PTPRD: variants seen among roughly 807,000 people sequenced by gnomAD.
PTPRD encodes receptor-type tyrosine-protein phosphatase delta.
PTPRD carries 34 observed loss-of-function variants against 214.5 expected under a neutral mutation model. The ratio of observed to expected loss-of-function variants is 0.16; its 90% CI spans 0.12 to 0.21. The LOEUF (loss-of-function observed/expected upper bound fraction) is 0.21, where lower values mean the gene tolerates loss of function less well. Among genes scored for constraint, PTPRD ranks in the 10% least tolerant of loss-of-function variants. The pLI is 1.00. For missense variants in PTPRD, 2,545 were observed against 2,398.7 expected (o/e 1.06, Z -1.27); for synonymous variants, 1,128 against 845.7 (o/e 1.33, Z -5.79).
chr9:8,830,032 G>C (rs538221774), intron 11 of PTPRD, among the ~76,000 whole-genome samples: 1 of 152,190 alleles, frequency 6.6e-6, no homozygotes, highest in Admixed American at 6.5e-5. Context: ...AAATACCAAA[G>C]TTTGAATCTG....
chr9:9,240,035 A>C (rs1460798429), intron 9 of PTPRD, among the ~76,000 whole-genome samples: 1 of 152,158 alleles, frequency 6.6e-6, no homozygotes. Flanking sequence ...CAAAAGAAAA[A>C]CATAGATTAT....
intron 3 of PTPRD, among the ~76,000 whole-genome samples, chr9:10,153,158 T>C (rs369041337): frequency 2.0e-4 from 30 of 152,146 alleles, no homozygotes; most frequent in African/African-American, 7.0e-4. Flanking sequence ...GAGTAGATTT[T>C]AAATAATCTC....
intron 30 of PTPRD, among the ~76,000 whole-genome samples, chr9:8,477,007 G>A (rs2096778808): frequency 6.6e-6 from 1 of 151,898 alleles, no homozygotes; most frequent in East Asian, 1.9e-4. Context: ...TAATCTCACA[G>A]GACATTAAGA....
chr9:10,102,122 C>T (rs1025701489), intron 3 of PTPRD, among the ~76,000 whole-genome samples: 1 of 151,612 alleles, frequency 6.6e-6, no homozygotes, highest in Non-Finnish European at 1.5e-5. Flanking sequence ...TATTTGAGAG[C>T]TTTTATAAAT....
At chr9:9,662,232 A>G (rs2096635426) in intron 7 of PTPRD, among the ~76,000 whole-genome samples, 1 of 151,678 alleles carries the variant, frequency 6.6e-6, no homozygotes, top group Admixed American at 6.6e-5. Flanking sequence ...CTGCTACTAT[A>G]AAGTATCATA....
At chr9:8,713,850 C>T in intron 12 of PTPRD, 1 of 1,404,732 alleles carries the variant, frequency 7.1e-7, no homozygotes, top group Non-Finnish European at 9.7e-7. Context: ...AGGTGCAGGG[C>T]CCTCGCCCGG....
chr9:10,122,890 C>T (rs1323442411), intron 3 of PTPRD, among the ~76,000 whole-genome samples: 1 of 152,184 alleles, frequency 6.6e-6, no homozygotes, highest in Non-Finnish European at 1.5e-5. Flanking sequence ...GAGGAATTTC[C>T]TTGACAGAGG....
chr9:10,446,390 T>C (rs2098799381), intron 2 of PTPRD, among the ~76,000 whole-genome samples: 1 of 151,206 alleles, frequency 6.6e-6, no homozygotes, highest in Non-Finnish European at 1.5e-5. Context: ...CTGGTTTGGC[T>C]TAACTTTTTA....
chr9:10,065,396 G>A (rs972007901), intron 3 of PTPRD, among the ~76,000 whole-genome samples: 3 of 151,762 alleles, frequency 2.0e-5, no homozygotes, highest in Non-Finnish European at 4.4e-5. Context: ...GCTTTGTTGT[G>A]GTCAGATGGC....
At chr9:8,704,522 G>A (rs1487918225) in intron 12 of PTPRD, among the ~76,000 whole-genome samples, 1 of 152,118 alleles carries the variant, frequency 6.6e-6, no homozygotes. Context: ...CTTGAAAATG[G>A]ACTTAATGTC....
chr9:9,843,250 G>A (rs901602875), intron 5 of PTPRD, among the ~76,000 whole-genome samples: 18 of 151,944 alleles, frequency 1.2e-4, no homozygotes, highest in Non-Finnish European at 2.1e-4. Context: ...TAGACAAGGC[G>A]GAAATCATAA....
At chr9:9,393,507 T>C (rs989322232) in intron 9 of PTPRD, among the ~76,000 whole-genome samples, 3 of 152,176 alleles carry the variant, frequency 2.0e-5, no homozygotes, top group Admixed American at 6.6e-5. Context: ...CTTAGCTGAA[T>C]ATAGTTGCAT....
At chr9:9,229,773 G>A (rs2099961924) in intron 9 of PTPRD, among the ~76,000 whole-genome samples, 1 of 152,084 alleles carries the variant, frequency 6.6e-6, no homozygotes. Flanking sequence ...GTGCCAACAA[G>A]GCTATAGAAT....
At position 8,499,797 on chromosome 9, in the gene PTPRD, G is replaced by A. The variant is rs374361927; in HGVS notation, c.2172C>T (p.Asn724=). ...PPRKVEVEAV[N]STSVKVSWRS... is the part of the protein sequence containing the mutation. The stretch of plus-strand genomic sequence containing the variant: ...GCCATGAGACTTTAACAGATGTTGA[G>A]TTGACAGCCTCTACCTCGACTTTGC... Residue 724 remains asparagine (N), a synonymous_variant, in exon 25 of 46, where the codon AAC becomes AAT. Transcript: ENST00000381196. The A allele has an allele frequency of 6.2e-7, 1 of 1,613,472 alleles. No homozygotes were observed. Among genetic ancestry groups the A allele is most frequent in the East Asian group, 2.2e-5 (1 of 44,856 alleles).
intron 7 of PTPRD, among the ~76,000 whole-genome samples, chr9:9,670,745 C>A (rs1175167679): frequency 6.6e-6 from 1 of 152,146 alleles, no homozygotes; most frequent in East Asian, 1.9e-4. Flanking sequence ...TTGACAGCTT[C>A]CACATGGTGT....
chr9:10,234,615 A>T (rs1438539115), intron 3 of PTPRD, among the ~76,000 whole-genome samples: 2 of 134,786 alleles, frequency 1.5e-5, no homozygotes, highest in African/African-American at 4.9e-5. Context: ...AGAAATGAAA[A>T]CTTCTGGAAA....
At chr9:8,427,141 T>C (rs531563374) in intron 35 of PTPRD, among the ~76,000 whole-genome samples, 2 of 152,296 alleles carry the variant, frequency 1.3e-5, no homozygotes, top group South Asian at 4.1e-4. Context: ...GGTAGGCCAA[T>C]CTTTGCTATA....
At chr9:10,564,607 T>A (rs2065077812) in intron 2 of PTPRD, among the ~76,000 whole-genome samples, 1 of 152,064 alleles carries the variant, frequency 6.6e-6, no homozygotes. Flanking sequence ...AACATCCCTG[T>A]TGAATCCATG....
At chr9:9,098,264 T>A (rs2099786530) in intron 10 of PTPRD, among the ~76,000 whole-genome samples, 2 of 152,112 alleles carry the variant, frequency 1.3e-5, no homozygotes, top group Admixed American at 1.3e-4. Flanking sequence ...AATAGATTTA[T>A]TATTTTCAGT....
Sources: gnomAD v4.1 joint callset for allele counts (sites outside exome capture counted in the v4.1 genomes callset) on GRCh38, gnomAD v4.1.1 for gene constraint, MANE v1.5 for transcripts, NCBI Gene and HGNC (gene_info 2026-07-23, HGNC 2026-07-21) for gene names.